Variants in HFM1 observed in about 807,000 individuals in gnomAD.
HFM1 encodes the protein probable ATP-dependent DNA helicase HFM1.
HFM1 carries 169 observed loss-of-function variants against 192.1 expected under a neutral mutation model. The observed-to-expected ratio is 0.88, with a 90% CI of 0.78 to 1.00. The LOEUF (loss-of-function observed/expected upper bound fraction) is 1.00. Ranked by LOEUF, HFM1 falls within the 50% of genes least tolerant of loss-of-function variation. HFM1 has a pLI of 0.00. For missense variants in HFM1, 1,661 were observed against 1,668.0 expected (o/e 1.00, Z 0.07); for synonymous variants, 525 against 537.8 (o/e 0.98, Z 0.33).
intron 13 of HFM1, among the ~76,000 whole-genome samples, chr1:91,359,506 T>C (rs780168312): frequency 8.0e-5 from 12 of 149,240 alleles, no homozygotes; most frequent in Non-Finnish European, 1.8e-4. Context: ...AAAGAATCTC[T>C]GAGCTAGAAG....
intron 32 of HFM1, 56 bp from the exon 33 acceptor site, chr1:91,274,865 C>A: frequency 1.2e-6 from 1 of 827,978 alleles, no homozygotes; most frequent in Non-Finnish European, 2.0e-6. Context: ...TAACTTGTAA[C>A]ACATGAGCCA....
chr1:91,391,720 G>A (rs1663017620), intron 4 of HFM1, among the ~76,000 whole-genome samples: 3 of 152,142 alleles, frequency 2.0e-5, no homozygotes. Flanking sequence ...AACACCAAAA[G>A]CAACGGCAAC....
rs535790285 is a variant in HFM1, at chr1:91,401,118, T to C, written c.-27-9A>G. 2.5e-6 allele frequency: 3 copies of C among 1,203,646 alleles called. No individual in the cohort carries two copies. 74.6% of individuals were successfully genotyped at this position (1,203,646 alleles called of 1,614,324 possible). A position where few individuals can be genotyped will look rare whatever the true frequency, so the allele number is the denominator to read the frequency against. Reference sequence around the variant, plus strand: ...TGGACTTTGTCATAAATCTACAAAATATGGAAAAAGTAGTTTATATTTTAT... The same window carrying C: ...TGGACTTTGTCATAAATCTACAAAACATGGAAAAAGTAGTTTATATTTTAT... On this transcript the variant is annotated splice_polypyrimidine_tract_variant and intron_variant, in intron 1 of 38. Coordinates refer to ENST00000370425, the MANE Select transcript of HFM1 (RefSeq NM_001017975.6).
chr1:91,315,994 A>T, intron 27 of HFM1, 22 bp from the exon 28 acceptor site: 1 of 1,552,024 alleles, frequency 6.4e-7, no homozygotes, highest in South Asian at 1.1e-5. Flanking sequence ...GACAAGTATA[A>T]AAAGTGTTAA....
At chr1:91,347,194 C>A (rs1181470713) in intron 19 of HFM1, among the ~76,000 whole-genome samples, 1 of 151,946 alleles carries the variant, frequency 6.6e-6, no homozygotes, top group Non-Finnish European at 1.5e-5. Context: ...ACCAAATAAA[C>A]CAAGTTAACA....
chr1:91,317,175 G>C (rs1651367828), intron 25 of HFM1, among the ~76,000 whole-genome samples: 1 of 152,022 alleles, frequency 6.6e-6, no homozygotes, highest in Non-Finnish European at 1.5e-5. Flanking sequence ...AGCACTTTAG[G>C]AGGCCAAGGC....
intron 23 of HFM1, among the ~76,000 whole-genome samples, 198 bp from the exon 24 acceptor site, chr1:91,319,588 T>C (rs1444551576): frequency 2.0e-5 from 3 of 151,946 alleles, no homozygotes; most frequent in Non-Finnish European, 4.4e-5. Flanking sequence ...CTCAAAGTTG[T>C]CTTTATTTAT....
intron 23 of HFM1, among the ~76,000 whole-genome samples, chr1:91,322,180 GT>G (rs1049754506): frequency 3.9e-5 from 6 of 152,142 alleles, no homozygotes; most frequent in African/African-American, 1.2e-4. Flanking sequence ...TGCCTGATGA[GT>G]TGTAAACAAC....
At chr1:91,355,535 A>G (rs973676966) in intron 13 of HFM1, among the ~76,000 whole-genome samples, 5 of 152,262 alleles carry the variant, frequency 3.3e-5, no homozygotes, top group Middle Eastern at 3.4e-3. Flanking sequence ...AATATTCTAC[A>G]TAAATAGTAA....
At chr1:91,390,588 A>C (rs879382359) in intron 4 of HFM1, among the ~76,000 whole-genome samples, 2 of 152,200 alleles carry the variant, frequency 1.3e-5, no homozygotes, top group Non-Finnish European at 1.5e-5. Flanking sequence ...TAAACTAGGA[A>C]TTCATGGGAT....
chr1:91,286,966 G>A (rs1668046680), intron 30 of HFM1, among the ~76,000 whole-genome samples: 3 of 152,170 alleles, frequency 2.0e-5, no homozygotes, highest in Admixed American at 2.0e-4. Flanking sequence ...CTTAAAAAAC[G>A]GCGCACCACG....
At chr1:91,326,824 A>G (rs1344704243) in intron 20 of HFM1, among the ~76,000 whole-genome samples, 5 of 152,250 alleles carry the variant, frequency 3.3e-5, no homozygotes, top group Admixed American at 2.6e-4. Flanking sequence ...ACACAGAATA[A>G]TAAGATGTAA....
At chr1:91,403,307 CAAAT>C (rs906617642) in intron 1 of HFM1, among the ~76,000 whole-genome samples, 7 of 152,022 alleles carry the variant, frequency 4.6e-5, no homozygotes, top group Non-Finnish European at 7.4e-5. Flanking sequence ...AAAATAGTGT[CAAAT>C]AAAAATAATT....
chr1:91,274,771 C>G lies in HFM1; in HGVS notation c.3627G>C (p.Glu1209Asp). 1.3e-6 allele frequency: 2 copies of G among 1,572,386 alleles called. No individual in the cohort carries two copies. Among genetic ancestry groups the G allele is most frequent in the Non-Finnish European group, 1.7e-6 (2 of 1,144,404 alleles). Reference protein sequence around the residue: ...MNKSQSVDLKEFGFTPKPSLP... With the variant: ...MNKSQSVDLKDFGFTPKPSLP... ...GGGAAGGTTTTGGAGTAAAACCAAACTCTTTAAGGTCCACACTTTGAGATT... is the reference window on the plus strand; with the variant it reads ...GGGAAGGTTTTGGAGTAAAACCAAAGTCTTTAAGGTCCACACTTTGAGATT... Residue 1209 changes from glutamate (E) to aspartate (D), a missense_variant, in exon 33 of 39, where the codon GAG becomes GAC. Glu to Asp is a conservative substitution (Grantham distance 45). Coordinates refer to ENST00000370425, the MANE Select transcript of HFM1 (RefSeq NM_001017975.6).
At chr1:91,312,139 C>A (rs936110067) in intron 30 of HFM1, among the ~76,000 whole-genome samples, 2 of 152,180 alleles carry the variant, frequency 1.3e-5, no homozygotes, top group Non-Finnish European at 2.9e-5. Flanking sequence ...TCATGGAGAA[C>A]CTCTGGTAAG....
At chr1:91,397,407 A>G (rs905595555) in intron 2 of HFM1, among the ~76,000 whole-genome samples, 2 of 152,206 alleles carry the variant, frequency 1.3e-5, no homozygotes, top group South Asian at 2.1e-4. Flanking sequence ...GGACAAAAAG[A>G]TAAGTGTTAG....
At chr1:91,361,779 T>C (rs1182627225) in intron 13 of HFM1, among the ~76,000 whole-genome samples, 2 of 152,182 alleles carry the variant, frequency 1.3e-5, no homozygotes, top group Non-Finnish European at 2.9e-5. Context: ...ATATCCTTAA[T>C]GAACACTGAT....
chr1:91,339,071 A>G (rs2101608294), intron 20 of HFM1: 1 of 454,582 alleles, frequency 2.2e-6, no homozygotes, highest in African/African-American at 2.0e-5. Flanking sequence ...CTTATGCCAC[A>G]GTAAATCTCA....
chr1:91,270,705 G>A (rs995368315), intron 34 of HFM1, among the ~76,000 whole-genome samples: 2 of 151,964 alleles, frequency 1.3e-5, no homozygotes, highest in African/African-American at 2.4e-5. Context: ...CAAAAGAAAG[G>A]AAAGACCAGT....
Sources: gnomAD v4.1 joint callset for allele counts (sites outside exome capture counted in the v4.1 genomes callset) on GRCh38, gnomAD v4.1.1 for gene constraint, MANE v1.5 for transcripts, NCBI Gene and HGNC (gene_info 2026-07-23, HGNC 2026-07-21) for gene names.